Variants in STEEP1 observed in about 807,000 individuals in gnomAD.
The protein encoded by STEEP1 is STING1 ER exit protein 1.
Under a neutral mutation model 19.2 loss-of-function variants are expected in STEEP1, and 3 were observed. The observed-to-expected ratio is 0.16, with a 90% CI of 0.07 to 0.40. The LOEUF is 0.40. Among genes scored for constraint, STEEP1 ranks in the 10% least tolerant of loss-of-function variants. The pLI is 0.99. For synonymous variants in STEEP1, 46 were observed against 63.7 expected (o/e 0.72, Z 1.32); for missense variants, 54 against 177.1 (o/e 0.30, Z 3.94).
At chrX:119,543,545 C>T (rs1353644434) in intron 4 of STEEP1, among the ~76,000 whole-genome samples, 1 of 110,470 alleles carries the variant, frequency 9.1e-6, no homozygotes, top group Non-Finnish European at 1.9e-5. Flanking sequence ...TGCAGTGGCA[C>T]AATCATAGCT....
chrX:119,565,003 T>G (rs1450367749), intron 1 of STEEP1: 1 of 336,278 alleles, frequency 3.0e-6, no homozygotes, highest in Admixed American at 5.3e-5. Context: ...CTGAAGGAGT[T>G]TAGTTTTGAG....
chrX:119,538,163 CT>C lies in STEEP1; in HGVS notation c.*1563del. On this transcript the variant is annotated 3_prime_UTR_variant, in exon 7 of 7. Coordinates refer to ENST00000644802, the MANE Select transcript of STEEP1 (RefSeq NM_022101.4). ...GTTAACACAACTCCTGTCCCAACAC[CT>C]TTTAATACAGTTGAATGGATAAAAA... 7.6e-6 allele frequency: 1 copy of C among 131,717 alleles called. No individual in the cohort carries two copies. Among genetic ancestry groups the C allele is most frequent in the Non-Finnish European group, 1.4e-5 (1 of 70,272 alleles). 10.9% of individuals were successfully genotyped at this position (131,717 alleles called of 1,213,427 possible).
chrX:119,542,136 G>C (rs747778976), intron 5 of STEEP1, among the ~76,000 whole-genome samples: 1 of 101,367 alleles, frequency 9.9e-6, no homozygotes, highest in Non-Finnish European at 2.0e-5. Context: ...GCGCAATCTC[G>C]GTTCACTGAA....
intron 2 of STEEP1, among the ~76,000 whole-genome samples, chrX:119,545,925 A>G (rs1603305801): frequency 9.4e-6 from 1 of 106,855 alleles, no homozygotes. Context: ...TTTTCATTTC[A>G]TAGGTCAACT....
chrX:119,548,631 T>A (rs1272305641), intron 2 of STEEP1, among the ~76,000 whole-genome samples: 1 of 109,739 alleles, frequency 9.1e-6, no homozygotes, highest in East Asian at 2.8e-4. Flanking sequence ...TGTAAATTAG[T>A]ACAGCCATTA....
intron 3 of STEEP1, among the ~76,000 whole-genome samples, chrX:119,544,904 G>T (rs944458696): frequency 2.7e-5 from 3 of 110,327 alleles, no homozygotes; most frequent in Non-Finnish European, 3.8e-5. Flanking sequence ...TCATGCCACT[G>T]CACTCCAGCC....
intron 6 of STEEP1, 33 bp downstream of exon 6, chrX:119,541,295 G>A: frequency 2.4e-6 from 2 of 819,912 alleles, no homozygotes; most frequent in South Asian, 4.1e-5. Flanking sequence ...CAAATGATAG[G>A]GCCCCAGCAC....
At chrX:119,555,094 G>A (rs1303529143) in intron 2 of STEEP1, among the ~76,000 whole-genome samples, 8 of 99,852 alleles carry the variant, frequency 8.0e-5, no homozygotes, top group Admixed American at 7.2e-4. Context: ...GCGTGACAGA[G>A]TGAGACCCTG....
At chrX:119,564,505 G>GC (rs1435635530) in intron 1 of STEEP1, among the ~76,000 whole-genome samples, 92 of 96,886 alleles carry the variant, frequency 9.5e-4, no homozygotes, top group African/African-American at 3.4e-3. Flanking sequence ...GAAAAAAAAG[G>GC]GGGGGGGGAA....
chrX:119,554,672 G>C (rs1159647863), intron 2 of STEEP1, among the ~76,000 whole-genome samples: 2 of 111,707 alleles, frequency 1.8e-5, no homozygotes, highest in Non-Finnish European at 3.8e-5. Flanking sequence ...TACATTATGG[G>C]AAGCCAGCTG....
chrX:119,542,193 A>G (rs1033408995), intron 5 of STEEP1, among the ~76,000 whole-genome samples: 3 of 106,820 alleles, frequency 2.8e-5, no homozygotes, highest in Non-Finnish European at 5.8e-5. Context: ...CAGCCTCCCG[A>G]GTAGCTGGGA....
At chrX:119,542,055 C>CTTTTTTTTTTTTTTTT (rs201339708) in intron 5 of STEEP1, among the ~76,000 whole-genome samples, 24 of 82,906 alleles carry the variant, frequency 2.9e-4, no homozygotes, top group Middle Eastern at 5.8e-3. Context: ...CTTTTCTTTT[C>CTTTTTTTTTTTTTTTT]TTTTTTTTTT....
At chrX:119,562,737 G>A (rs1250451010) in intron 1 of STEEP1, among the ~76,000 whole-genome samples, 1 of 109,713 alleles carries the variant, frequency 9.1e-6, no homozygotes, top group Non-Finnish European at 1.9e-5. Context: ...CATTCTAGTG[G>A]AAGAGGCAAC....
rs2053159326 is a variant in STEEP1 at position 119,541,093 on chromosome X, TATC to T, written c.606+232_606+234del. Among the ~76,000 whole-genome samples the T allele has an allele frequency of 4.5e-5, 5 of 111,483 alleles. No homozygotes were observed. In the South Asian group the frequency reaches 1.5e-3, roughly 33 times the overall value. ...TAAAAATAAAATACAGAAAATAAAA[TATC>T]ATCCTAGTTAGGGCTATAACAAGTA... is the stretch of plus-strand genomic sequence containing the variant. On this transcript the variant is annotated intron_variant, in intron 6 of 6. Coordinates refer to ENST00000644802, the MANE Select transcript of STEEP1 (RefSeq NM_022101.4).
At chrX:119,560,743 T>C (rs2053314456) in intron 1 of STEEP1, among the ~76,000 whole-genome samples, 2 of 111,706 alleles carry the variant, frequency 1.8e-5, no homozygotes, top group South Asian at 7.4e-4. Flanking sequence ...TACACTTGGT[T>C]TGTGTTATAA....
At chrX:119,559,877 C>T (rs1164352964) in intron 2 of STEEP1, among the ~76,000 whole-genome samples, 4 of 88,766 alleles carry the variant, frequency 4.5e-5, no homozygotes, top group South Asian at 6.6e-4. Flanking sequence ...GGTGAAACTG[C>T]GTCTCTACTA....
intron 2 of STEEP1, among the ~76,000 whole-genome samples, chrX:119,557,140 A>T (rs1427032967): frequency 1.1e-5 from 1 of 89,680 alleles, no homozygotes; most frequent in East Asian, 3.6e-4. Flanking sequence ...TGGGTGACAG[A>T]GCGAGACTCT....
chrX:119,542,055 C>CTTTTTTTTTTTTTTTTT (rs201339708), intron 5 of STEEP1, among the ~76,000 whole-genome samples: 10 of 82,922 alleles, frequency 1.2e-4, no homozygotes, highest in Non-Finnish European at 2.1e-4. Flanking sequence ...CTTTTCTTTT[C>CTTTTTTTTTTTTTTTTT]TTTTTTTTTT....
At chrX:119,540,564 T>C (rs192623688) in intron 6 of STEEP1, among the ~76,000 whole-genome samples, 34 of 112,200 alleles carry the variant, frequency 3.0e-4, no homozygotes, top group African/African-American at 1.0e-3. Flanking sequence ...GGCACCATCA[T>C]ACACAGATCC....
Sources: allele counts gnomAD v4.1 joint callset (sites outside exome capture counted in the v4.1 genomes callset), GRCh38; gene constraint gnomAD v4.1.1; transcripts MANE v1.5; gene names NCBI Gene and HGNC (gene_info 2026-07-23, HGNC 2026-07-21).